PKHD1: variants seen among roughly 807,000 people sequenced by gnomAD.
PKHD1 encodes the protein PKHD1 ciliary IPT domain containing fibrocystin/polyductin.
PKHD1 carries 291 observed loss-of-function variants against 412.0 expected under a neutral mutation model. That is an observed-to-expected ratio of 0.71 (90% CI 0.64 to 0.78). The LOEUF (loss-of-function observed/expected upper bound fraction) is 0.78. Among genes scored for constraint, PKHD1 ranks in the 30% least tolerant of loss-of-function variants. PKHD1 has a pLI of 0.00. For missense variants in PKHD1, 4,825 were observed against 4,950.7 expected (o/e 0.97, Z 0.76); for synonymous variants, 1,777 against 1,821.5 (o/e 0.98, Z 0.62).
intron 52 of PKHD1, among the ~76,000 whole-genome samples, chr6:51,812,730 T>G (rs772355496): frequency 9.2e-5 from 14 of 152,308 alleles, no homozygotes; most frequent in Admixed American, 2.6e-4. Context: ...GCATTCCATC[T>G]CCAGGTCTTT....
At chr6:52,039,868 A>T (rs1804560819) in intron 27 of PKHD1, among the ~76,000 whole-genome samples, 1 of 152,244 alleles carries the variant, frequency 6.6e-6, no homozygotes, top group African/African-American at 2.4e-5. Context: ...GCACATGATG[A>T]GATGGATGGA....
intron 50 of PKHD1, among the ~76,000 whole-genome samples, chr6:51,842,226 A>T (rs1470109119): frequency 6.6e-6 from 1 of 152,128 alleles, no homozygotes; most frequent in African/African-American, 2.4e-5. Context: ...GCCTCACACA[A>T]TGTCCCAGCT....
chr6:51,797,254 G>C (rs9395722), intron 52 of PKHD1, among the ~76,000 whole-genome samples: 89,750 of 152,082 alleles, frequency 0.59, 27,161 homozygotes, highest in East Asian at 0.83. Context: ...GCTGTGTGGT[G>C]ATGAGAACAA....
Position 52,025,212 on chromosome 6 carries a change from G to A in PKHD1, c.4598C>T (p.Ala1533Val). 1 of 1,614,146 alleles carries A rather than the reference G, an allele frequency of 6.2e-7. No homozygotes were observed. Among genetic ancestry groups the A allele is most frequent in the Admixed American group, 1.7e-5 (1 of 60,014 alleles). ...TCTTGTCTGGCACACAACGTGGCTT[G>A]CATTAAAAAAAGTTACATTGCAAGG... ...QLPCNVTFFN[A>V]SHVVCQTRDL... Residue 1533 changes from alanine to valine, a missense_variant, in exon 32 of 67, where the codon GCA becomes GTA. By Grantham distance (64) the Ala-to-Val change is moderately conservative (BLOSUM62 0). Coordinates refer to ENST00000371117, the MANE Select transcript of PKHD1 (RefSeq NM_138694.4).
At chr6:51,644,578 C>T (rs1352190498) in intron 63 of PKHD1, among the ~76,000 whole-genome samples, 1 of 152,170 alleles carries the variant, frequency 6.6e-6, no homozygotes, top group East Asian at 1.9e-4. Context: ...GATGTTTGAG[C>T]TGGCACATGA....
intron 35 of PKHD1, among the ~76,000 whole-genome samples, chr6:51,971,476 TA>T (rs1793656384): frequency 6.6e-6 from 1 of 152,182 alleles, no homozygotes; most frequent in Non-Finnish European, 1.5e-5. Context: ...TTTTTCAATT[TA>T]TGATGCCAAA....
intron 55 of PKHD1, among the ~76,000 whole-genome samples, chr6:51,758,329 T>C (rs533166139): frequency 1.6e-4 from 24 of 152,246 alleles, no homozygotes; most frequent in African/African-American, 4.8e-4. Flanking sequence ...ATAGCAACAG[T>C]GGTAACTTCA....
At chr6:51,648,814 C>T (rs371116042) in intron 62 of PKHD1, among the ~76,000 whole-genome samples, 3 of 152,144 alleles carry the variant, frequency 2.0e-5, no homozygotes, top group African/African-American at 7.2e-5. Flanking sequence ...GAAGATGTGA[C>T]AGATCTACTT....
In PKHD1 at chr6:52,010,371, G is replaced by A; in HGVS notation, c.5689C>T (p.Pro1897Ser). 6.2e-7 allele frequency: 1 copy of A among 1,613,210 alleles called. No homozygotes were observed. The highest frequency in any genetic ancestry group is 8.5e-7 in the Non-Finnish European group (1 of 1,179,208). Residue 1897 changes from proline to serine, a missense_variant, in exon 35 of 67, where the codon CCC becomes TCC. Physicochemically the swap from Pro to Ser is moderately conservative, Grantham distance 74 (BLOSUM62 -1). Coordinates refer to ENST00000371117, the MANE Select transcript of PKHD1 (RefSeq NM_138694.4). ...ATCTTGACGGTAATTGGCTGATTGG[G>A]CGTCTCACACTCCATCTCTGCCTCA... ...ETEAEMECET[P>S]NQPITVKITE...
rs1209068432 is a variant in PKHD1 at position 52,053,248 on chromosome 6, C to T, written c.1968G>A (p.Trp656Ter). Reference protein sequence around the residue: ...WSLTRTSPESWQFDCTDLWET... With the variant: ...WSLTRTSPES ...CCCAGAGGTCAGTGCAATCGAACTG[C>T]CAGCTGAAAAACAGCATGGAGCAGA... Residue 656 changes from tryptophan (W) to a stop codon, truncating the protein, a stop_gained, in exon 21 of 67, where the codon TGG (tryptophan) becomes TGA (stop). Transcript: ENST00000371117. LOFTEE classifies it high-confidence loss of function. 1 of 1,614,086 alleles carries T rather than the reference C, an allele frequency of 6.2e-7. No homozygotes were observed. Among genetic ancestry groups the T allele is most frequent in the East Asian group, 2.2e-5 (1 of 44,858 alleles).
At chr6:51,922,823 C>G (rs1784909275) in intron 37 of PKHD1, among the ~76,000 whole-genome samples, 1 of 152,142 alleles carries the variant, frequency 6.6e-6, no homozygotes, top group Non-Finnish European at 1.5e-5. Flanking sequence ...TGGGAGTGTC[C>G]CGATTTTCCA....
Position 51,959,937 on chromosome 6 carries a change from T to G in PKHD1, c.5841A>C (p.Thr1947=), listed in dbSNP as rs780854942. The G allele has an allele frequency of 5.0e-6, 8 of 1,613,482 alleles. No individual in the cohort carries two copies. In the Admixed American group the frequency reaches 1.2e-4, roughly 24 times the overall value. ...ERLPQDGDNV[T]VENGQLLLLD... ...GCAGAAGCAATTGGCCATTCTCCAC[T>G]GTGACGTTGTCGCCATCTTGTGGCA... Residue 1947 remains threonine, a synonymous_variant, in exon 36 of 67, where the codon ACA becomes ACC. Coordinates refer to ENST00000371117, the MANE Select transcript of PKHD1 (RefSeq NM_138694.4).
Position 51,640,373 on chromosome 6 carries a change from T to A in PKHD1, c.11399-1417A>T, listed in dbSNP as rs1769187776. ...TAAATACCAGCTTGCCTTAGAGATC[T>A]CTACAAAGATTCCCATATATATCTA... On this transcript the variant is annotated intron_variant, in intron 63 of 66. Transcript: ENST00000371117. 2.6e-5 allele frequency among the ~76,000 whole-genome samples: 4 copies of A among 152,212 alleles called. 1 individual carries two copies. In the South Asian group the frequency reaches 8.3e-4, roughly 32 times the overall value.
chr6:51,747,672 C>T, intron 58 of PKHD1, 115 bp downstream of exon 58: 1 of 874,960 alleles, frequency 1.1e-6, no homozygotes, highest in Non-Finnish European at 1.9e-6. Flanking sequence ...GCAGGTTGGA[C>T]AGCAAGCACT....
intron 25 of PKHD1, 99 bp downstream of exon 25, chr6:52,044,867 C>A (rs1181772876): frequency 1.5e-6 from 2 of 1,372,178 alleles, no homozygotes; most frequent in African/African-American, 2.9e-5. Flanking sequence ...GCAAAATGAC[C>A]CTTAAGAGCT....
intron 60 of PKHD1, among the ~76,000 whole-genome samples, chr6:51,690,607 A>G (rs1778047258): frequency 6.6e-6 from 1 of 152,224 alleles, no homozygotes; most frequent in Admixed American, 6.5e-5. Flanking sequence ...AGAACTGGCT[A>G]GCAACAGGCA....
intron 18 of PKHD1, among the ~76,000 whole-genome samples, chr6:52,056,092 C>A (rs780300990): frequency 6.6e-6 from 1 of 152,172 alleles, no homozygotes; most frequent in Non-Finnish European, 1.5e-5. Flanking sequence ...ATGGCCACAG[C>A]ATGAGTGGTC....
chr6:51,683,270 A>C (rs975222728), intron 60 of PKHD1, among the ~76,000 whole-genome samples: 3 of 152,046 alleles, frequency 2.0e-5, no homozygotes, highest in African/African-American at 7.2e-5. Flanking sequence ...TTTAAGGACA[A>C]TTCGGGATCC....
intron 55 of PKHD1, among the ~76,000 whole-genome samples, chr6:51,770,781 C>A (rs1037330524): frequency 5.3e-5 from 8 of 151,874 alleles, no homozygotes; most frequent in Non-Finnish European, 1.2e-4. Flanking sequence ...AGATTTTTAT[C>A]TGATAATTTT....
Sources: gnomAD v4.1 joint callset for allele counts (sites outside exome capture counted in the v4.1 genomes callset) on GRCh38, gnomAD v4.1.1 for gene constraint, MANE v1.5 for transcripts, NCBI Gene and HGNC (gene_info 2026-07-23, HGNC 2026-07-21) for gene names.